The following C12orf42 variants were observed in gnomAD, a reference collection of about 807,000 sequenced individuals.
C12orf42 encodes chromosome 12 open reading frame 42.
In C12orf42, 25 loss-of-function variants were observed where a neutral mutation model predicts 21.6. That is an observed-to-expected ratio of 1.16 (90% CI 0.84 to 1.62). C12orf42 has a LOEUF of 1.62. Ranked by LOEUF, C12orf42 falls within the 40% of genes most tolerant of loss-of-function variation. The pLI, the probability that C12orf42 is intolerant of heterozygous loss-of-function variation, is 0.00. For missense variants in C12orf42, 483 were observed against 459.3 expected (o/e 1.05, Z -0.47); for synonymous variants, 174 against 175.0 (o/e 0.99, Z 0.05).
intron 2 of C12orf42, among the ~76,000 whole-genome samples, chr12:103,442,376 G>T (rs1951301645): frequency 1.3e-5 from 2 of 152,152 alleles, no homozygotes; most frequent in Non-Finnish European, 2.9e-5. Flanking sequence ...ACGTTTGCAT[G>T]CACTGGACAG....
the C12orf42 span, among the ~76,000 whole-genome samples, chr12:103,064,896 A>T: frequency 0.012 from 1,778 of 152,310 alleles, 40 homozygotes; most frequent in African/African-American, 0.041. Flanking sequence ...GCTCAGGTCC[A>T]ACTTACAGTG....
At chr12:103,263,808 G>T (rs1040115686), downstream of C12orf42, among the ~76,000 whole-genome samples, 4 of 152,118 alleles carry the variant, frequency 2.6e-5, no homozygotes, top group Non-Finnish European at 4.4e-5. Context: ...AAGGCTGCTT[G>T]GTTAGCAGCA....
chr12:103,387,622 T>G (rs1481272737), intron 3 of C12orf42, among the ~76,000 whole-genome samples: 1 of 152,254 alleles, frequency 6.6e-6, no homozygotes. Context: ...AAGTGTCCTC[T>G]TCTACCCATT....
intron 4 of C12orf42, among the ~76,000 whole-genome samples, chr12:103,340,877 G>A (rs544768147): frequency 6.6e-6 from 1 of 152,150 alleles, no homozygotes; most frequent in African/African-American, 2.4e-5. Context: ...ACTTTGGGAG[G>A]CCTAGGCGGG....
the C12orf42 span, among the ~76,000 whole-genome samples, chr12:103,068,969 A>ATATATATATATATATATG: frequency 1.2e-4 from 11 of 91,680 alleles, no homozygotes; most frequent in Non-Finnish European, 2.1e-4. Context: ...ATATATATAT[A>ATATATATATATATATATG]TATATATATA....
chr12:103,184,467 A>G, the C12orf42 span, among the ~76,000 whole-genome samples: 1 of 152,292 alleles, frequency 6.6e-6, no homozygotes, highest in Non-Finnish European at 1.5e-5. Flanking sequence ...TGTAACTAGC[A>G]TATAATTGTC....
intron 3 of C12orf42, among the ~76,000 whole-genome samples, chr12:103,382,393 G>A (rs575850255): frequency 1.3e-5 from 2 of 152,274 alleles, no homozygotes; most frequent in Admixed American, 1.3e-4. Flanking sequence ...AGATGCTAAG[G>A]CAATAGTAGC....
the C12orf42 span, among the ~76,000 whole-genome samples, chr12:103,214,723 T>G: frequency 2.0e-5 from 3 of 152,232 alleles, no homozygotes; most frequent in African/African-American, 7.2e-5. Context: ...GGGAGTCCAC[T>G]GAAAATCCCA....
At chr12:103,514,812 A>G in the C12orf42 span, among the ~76,000 whole-genome samples, 1 of 152,214 alleles carries the variant, frequency 6.6e-6, no homozygotes, top group Non-Finnish European at 1.5e-5. Context: ...AATTAAAATG[A>G]ACAACAGAAT....
the C12orf42 span, among the ~76,000 whole-genome samples, chr12:103,181,071 G>A: frequency 1.3e-5 from 2 of 151,890 alleles, no homozygotes; most frequent in Admixed American, 6.5e-5. Context: ...AGACCATCCT[G>A]GCCAACATGG....
chr12:103,305,340 C>A lies in C12orf42; in HGVS notation c.631+634G>T, dbSNP rs377157421. On this transcript the variant is annotated intron_variant, in intron 5 of 5. Transcript: ENST00000548883. Reference sequence around the variant, plus strand: ...ATAAGTACCACCACCGTCATCACCACCCCCATTAAGCCCTTACTATGTTCA... The same window carrying A: ...ATAAGTACCACCACCGTCATCACCAACCCCATTAAGCCCTTACTATGTTCA... 2.6e-5 allele frequency among the ~76,000 whole-genome samples: 4 copies of A among 152,154 alleles called. No homozygotes were observed. In the East Asian group the frequency reaches 7.7e-4, roughly 29 times the overall value.
the C12orf42 span, among the ~76,000 whole-genome samples, chr12:103,119,713 A>T: frequency 6.6e-6 from 1 of 152,236 alleles, no homozygotes; most frequent in Non-Finnish European, 1.5e-5. Context: ...TATATGAAAC[A>T]TTTAATAGAT....
At chr12:103,428,311 C>T (rs1226272567) in intron 2 of C12orf42, among the ~76,000 whole-genome samples, 1 of 151,958 alleles carries the variant, frequency 6.6e-6, no homozygotes, top group African/African-American at 2.4e-5. Flanking sequence ...CACAGAAATA[C>T]AAACTACATC....
the C12orf42 span, among the ~76,000 whole-genome samples, chr12:103,057,053 C>A: frequency 1.6e-4 from 25 of 152,100 alleles, no homozygotes; most frequent in East Asian, 4.3e-3. Context: ...TGGTAAATAA[C>A]CTAATTTTTA....
chr12:103,255,911 G>A (rs1366252486), intron 10 of C12orf42, among the ~76,000 whole-genome samples: 1 of 149,970 alleles, frequency 6.7e-6, no homozygotes, highest in Non-Finnish European at 1.5e-5. Context: ...AAATTAGCCG[G>A]GCATGGTGGC....
intron 3 of C12orf42, among the ~76,000 whole-genome samples, chr12:103,376,676 T>C (rs555105862): frequency 3.9e-5 from 6 of 152,354 alleles, no homozygotes; most frequent in African/African-American, 1.4e-4. Flanking sequence ...GTTTGTTTTA[T>C]TTGTATTCTT....
the C12orf42 span, among the ~76,000 whole-genome samples, chr12:103,194,703 C>T: frequency 2.9e-3 from 447 of 152,174 alleles, 1 homozygote; most frequent in Non-Finnish European, 5.2e-3. Flanking sequence ...CCCATGTCCA[C>T]GAATTGGAAG....
chr12:103,233,672 C>A (rs1466931695), downstream of C12orf42, among the ~76,000 whole-genome samples: 3 of 152,136 alleles, frequency 2.0e-5, no homozygotes, highest in African/African-American at 7.2e-5. Flanking sequence ...TATTAACCTT[C>A]CACCTTGCAA....
the C12orf42 span, among the ~76,000 whole-genome samples, chr12:103,158,873 C>CA: frequency 0.062 from 6,830 of 109,680 alleles, 315 homozygotes; most frequent in African/African-American, 0.13. Context: ...GAGCAAGACT[C>CA]AAAAAAAAAA....
Sources: gnomAD v4.1 joint callset for allele counts (sites outside exome capture counted in the v4.1 genomes callset) on GRCh38, gnomAD v4.1.1 for gene constraint, MANE v1.5 for transcripts, NCBI Gene and HGNC (gene_info 2026-07-23, HGNC 2026-07-21) for gene names.